The following MAMDC2 variants were observed in gnomAD, a reference collection of about 807,000 sequenced individuals.
The protein encoded by MAMDC2 is MAM domain-containing protein 2.
Under a neutral mutation model 89.8 loss-of-function variants are expected in MAMDC2, and 57 were observed. The ratio of observed to expected loss-of-function variants is 0.63; its 90% CI spans 0.51 to 0.79. MAMDC2 has a LOEUF of 0.79. MAMDC2 is among the 30% of genes least tolerant of loss of function. MAMDC2 has a pLI of 0.00. For missense variants in MAMDC2, 800 were observed against 820.6 expected, an observed-to-expected ratio of 0.97 and a Z score of 0.31; for synonymous variants, 313 against 293.4, an observed-to-expected ratio of 1.07 and a Z score of -0.68.
intron 2 of MAMDC2, among the ~76,000 whole-genome samples, chr9:70,106,239 G>C (rs1224892097): frequency 1.3e-5 from 2 of 152,268 alleles, no homozygotes; most frequent in East Asian, 3.9e-4. Flanking sequence ...AGAGAAAAGG[G>C]GAGGCTGGGG....
chr9:70,212,816 G>T (rs2033382919), intron 11 of MAMDC2, among the ~76,000 whole-genome samples: 1 of 152,226 alleles, frequency 6.6e-6, no homozygotes, highest in Admixed American at 6.5e-5. Context: ...TTAGTGAATA[G>T]TTTCAGCCTG....
At chr9:70,168,611 G>A in intron 9 of MAMDC2, 91 bp from the exon 10 acceptor site, 2 of 939,346 alleles carry the variant, frequency 2.1e-6, no homozygotes, top group South Asian at 2.9e-5. Flanking sequence ...GTTTGCCTAT[G>A]CTCGCCTGCT....
intron 11 of MAMDC2, among the ~76,000 whole-genome samples, chr9:70,187,948 T>G (rs2032794003): frequency 6.6e-6 from 1 of 152,202 alleles, no homozygotes; most frequent in Non-Finnish European, 1.5e-5. Flanking sequence ...ACTTAACTAT[T>G]TAATAATTGC....
At chr9:70,212,464 A>G (rs551679260) in intron 11 of MAMDC2, among the ~76,000 whole-genome samples, 4 of 152,294 alleles carry the variant, frequency 2.6e-5, no homozygotes, top group African/African-American at 7.2e-5. Context: ...GCCATTTGCT[A>G]AGACTGTTGG....
chr9:70,148,268 T>C (rs1161424123), intron 9 of MAMDC2, among the ~76,000 whole-genome samples: 4 of 150,136 alleles, frequency 2.7e-5, no homozygotes, highest in Non-Finnish European at 5.9e-5. Context: ...CATCACTTCC[T>C]CAGAGAATCC....
At chr9:70,128,057 T>G (rs753146131) in intron 6 of MAMDC2, among the ~76,000 whole-genome samples, 3 of 152,244 alleles carry the variant, frequency 2.0e-5, no homozygotes, top group Admixed American at 6.5e-5. Context: ...ACATGTGATT[T>G]TGCTCTACTA....
intron 11 of MAMDC2, among the ~76,000 whole-genome samples, chr9:70,193,333 T>C (rs1041223903): frequency 6.6e-6 from 1 of 152,150 alleles, no homozygotes; most frequent in African/African-American, 2.4e-5. Flanking sequence ...AAAATTTTAA[T>C]TGACTCAAGT....
rs6151026 is a variant in MAMDC2 at position 70,118,297 on chromosome 9, A to AAC, written c.643+5215_643+5216dup. Among the ~76,000 whole-genome samples the AAC allele has an allele frequency of 9.4e-3, 1,325 of 140,476 alleles. 16 individuals carry two copies. Among genetic ancestry groups the AAC allele is most frequent in the Middle Eastern group, 0.021 (6 of 280 alleles). The allele number at this position is 140,476 out of a possible 152,430, so 92.2% of individuals were successfully genotyped here. A position where few individuals can be genotyped will look rare whatever the true frequency, so the allele number is the denominator to read the frequency against. On this transcript the variant is annotated intron_variant, in intron 5 of 13. Coordinates refer to ENST00000377182, the MANE Select transcript of MAMDC2 (RefSeq NM_153267.5). The stretch of plus-strand genomic sequence containing the variant: ...CATTCATTAGCCAACATCCCCACTC[A>AAC]ACACACACACACACACACACACACA...
chr9:70,111,230 A>G (rs1334835765), intron 4 of MAMDC2, among the ~76,000 whole-genome samples: 1 of 152,134 alleles, frequency 6.6e-6, no homozygotes, highest in Non-Finnish European at 1.5e-5. Context: ...AAATGGGAAT[A>G]AAAAGCTTCC....
chr9:70,064,610 C>G (rs1173997295), intron 2 of MAMDC2, among the ~76,000 whole-genome samples: 1 of 152,048 alleles, frequency 6.6e-6, no homozygotes, highest in Non-Finnish European at 1.5e-5. Flanking sequence ...TGTTTGTAAT[C>G]CATCTTTAGG....
chr9:70,151,988 T>C (rs2031596804), intron 9 of MAMDC2, among the ~76,000 whole-genome samples: 1 of 152,136 alleles, frequency 6.6e-6, no homozygotes, highest in African/African-American at 2.4e-5. Flanking sequence ...CACCTCTCAG[T>C]GAGTTGTCAC....
chr9:70,089,070 G>A (rs1445780293), intron 2 of MAMDC2: 1 of 152,114 alleles, frequency 6.6e-6, no homozygotes, highest in Non-Finnish European at 1.5e-5. Flanking sequence ...GGAGGAGGTT[G>A]ATTACATTTC....
chr9:70,194,445 T>G (rs759857145), intron 11 of MAMDC2: 1 of 152,158 alleles, frequency 6.6e-6, no homozygotes, highest in African/African-American at 2.4e-5. Context: ...CTCTTGCCTT[T>G]ATGCCATCCA....
At chr9:70,074,146 T>C (rs1451231623) in intron 2 of MAMDC2, among the ~76,000 whole-genome samples, 9 of 152,218 alleles carry the variant, frequency 5.9e-5, no homozygotes, top group Non-Finnish European at 1.2e-4. Context: ...TTCTAACTCA[T>C]GCTTAGCCAT....
At chr9:70,134,197 C>A (rs759812589) in intron 7 of MAMDC2, among the ~76,000 whole-genome samples, 1 of 152,038 alleles carries the variant, frequency 6.6e-6, no homozygotes, top group Admixed American at 6.6e-5. Context: ...CATCTGGTTG[C>A]GTTTAGAGTT....
intron 2 of MAMDC2, among the ~76,000 whole-genome samples, chr9:70,071,356 TTTTCCATGCAAGTAGAAA>T (rs769445757): frequency 2.3e-4 from 35 of 152,308 alleles, no homozygotes; most frequent in Non-Finnish European, 4.6e-4. Flanking sequence ...ACTCTATTTT[TTTTCCATGCAAGTAGAAA>T]TAATTAGCTA....
intron 9 of MAMDC2, 56 bp from the exon 10 acceptor site, chr9:70,168,646 A>T: frequency 7.0e-7 from 1 of 1,424,194 alleles, no homozygotes; most frequent in Non-Finnish European, 9.9e-7. Context: ...CCAGGTTGTT[A>T]GGAGTTTCCA....
At chr9:70,218,185 C>T in intron 11 of MAMDC2, 152 bp from the exon 12 acceptor site, 1 of 734,904 alleles carries the variant, frequency 1.4e-6, no homozygotes, top group Non-Finnish European at 2.1e-6. Context: ...ATTCATTCTC[C>T]TTAGATAATA....
Position 70,226,109 on chromosome 9 carries a change from C to T in MAMDC2, c.*77C>T. ...AAAATGAAAACAAAGCAAATGAATA[C>T]TGGACAGTCTTAACAATTTTATAAG... On this transcript the variant is annotated 3_prime_UTR_variant, in exon 14 of 14. Coordinates refer to ENST00000377182, the MANE Select transcript of MAMDC2 (RefSeq NM_153267.5). 1.2e-6 allele frequency: 1 copy of T among 834,974 alleles called. No homozygotes were observed. The highest frequency in any genetic ancestry group is 1.7e-5 in the African/African-American group (1 of 57,472). The allele number at this position is 834,974 out of a possible 1,614,324, so 51.7% of individuals were successfully genotyped here.
Sources: gnomAD v4.1 joint callset for allele counts (sites outside exome capture counted in the v4.1 genomes callset) on GRCh38, gnomAD v4.1.1 for gene constraint, MANE v1.5 for transcripts, NCBI Gene and HGNC (gene_info 2026-07-23, HGNC 2026-07-21) for gene names.